Variants in SCN2A observed in about 807,000 individuals in gnomAD.
The protein encoded by SCN2A is sodium channel protein type 2 subunit alpha.
SCN2A carries 20 observed loss-of-function variants against 188.7 expected under a neutral mutation model. That is an observed-to-expected ratio of 0.11 (90% CI 0.07 to 0.15). The LOEUF is 0.15. Among genes scored for constraint, SCN2A ranks in the 10% least tolerant of loss-of-function variants. The pLI is 1.00. For missense variants in SCN2A, 1,278 were observed against 2,445.0 expected, an observed-to-expected ratio of 0.52 and a Z score of 10.07; for synonymous variants, 804 against 833.1, an observed-to-expected ratio of 0.97 and a Z score of 0.60.
intron 24 of SCN2A, 113 bp from the exon 25 acceptor site, chr2:165,380,980 A>T: frequency 1.3e-6 from 1 of 766,118 alleles, no homozygotes; most frequent in Non-Finnish European, 2.2e-6. Flanking sequence ...ATAAATACAG[A>T]TATTAGTAAC....
At chr2:165,286,216 G>A (rs543358870) in intron 1 of SCN2A, among the ~76,000 whole-genome samples, 1 of 152,250 alleles carries the variant, frequency 6.6e-6, no homozygotes, top group Admixed American at 6.5e-5. Context: ...TTTTTGGTGA[G>A]TTTGAGTTGG....
intron 1 of SCN2A, among the ~76,000 whole-genome samples, chr2:165,283,232 G>A (rs1695660390): frequency 6.6e-6 from 1 of 152,162 alleles, no homozygotes. Flanking sequence ...AGGAAGATAA[G>A]TTCAATTTTG....
At chr2:165,380,825 A>G in intron 24 of SCN2A, 96 bp downstream of exon 24, 1 of 1,016,242 alleles carries the variant, frequency 9.8e-7, no homozygotes, top group Non-Finnish European at 1.5e-6. Flanking sequence ...CAAAAAAAGA[A>G]TATAAAATTC....
intron 13 of SCN2A, 32 bp downstream of exon 13, chr2:165,327,016 G>T: frequency 6.2e-7 from 1 of 1,612,954 alleles, no homozygotes; most frequent in East Asian, 2.2e-5. Flanking sequence ...ACAGTTACTT[G>T]GTGCTTTGGT....
At chr2:165,331,056 A>T (rs1698646585) in intron 13 of SCN2A, among the ~76,000 whole-genome samples, 1 of 152,158 alleles carries the variant, frequency 6.6e-6, no homozygotes, top group Non-Finnish European at 1.5e-5. Flanking sequence ...AGTTTCTAGC[A>T]GCCTTGAAGA....
At chr2:165,299,554 G>A (rs996319541) in intron 3 of SCN2A, among the ~76,000 whole-genome samples, 3 of 152,178 alleles carry the variant, frequency 2.0e-5, no homozygotes, top group Non-Finnish European at 2.9e-5. Context: ...ATAACAAAAG[G>A]CAGTGAGGCT....
At chr2:165,377,227 A>G (rs770844225) in intron 22 of SCN2A, among the ~76,000 whole-genome samples, 12 of 152,028 alleles carry the variant, frequency 7.9e-5, no homozygotes, top group Non-Finnish European at 1.8e-4. Flanking sequence ...ATAATGCAGC[A>G]TACTTTTGAG....
intron 19 of SCN2A, among the ~76,000 whole-genome samples, chr2:165,369,776 T>G (rs1480565034): frequency 6.6e-6 from 1 of 152,182 alleles, no homozygotes; most frequent in Non-Finnish European, 1.5e-5. Flanking sequence ...TCTGCATTAC[T>G]AGAGGATGCA....
intron 5 of SCN2A, 140 bp downstream of exon 5, chr2:165,308,934 GT>G (rs1697284875): frequency 8.1e-7 from 1 of 1,240,276 alleles, no homozygotes; most frequent in Admixed American, 2.2e-5. Context: ...AAATTATCCA[GT>G]TTGGAGAAAT....
chr2:165,298,930 C>CA (rs3835931), intron 3 of SCN2A, among the ~76,000 whole-genome samples: 2 of 151,364 alleles, frequency 1.3e-5, no homozygotes, highest in East Asian at 1.9e-4. Context: ...GAATCAGATA[C>CA]AAAAAAAGTG....
intron 19 of SCN2A, 67 bp downstream of exon 19, chr2:165,367,438 T>G: frequency 6.7e-7 from 1 of 1,501,810 alleles, no homozygotes; most frequent in South Asian, 1.1e-5. Flanking sequence ...TTCAATCAAC[T>G]CATATTACCC....
At position 165,370,272 on chromosome 2, in the gene SCN2A, G is replaced by A; in HGVS notation, c.3822G>A (p.Trp1274Ter). Residue 1274 changes from tryptophan to a stop codon, truncating the protein, a stop_gained, in exon 20 of 27, where the codon TGG becomes TGA. Transcript: ENST00000375437. LOFTEE classifies it high-confidence loss of function. ...TTCAAGTGTATTTTACCAATGCCTG[G>A]TGCTGGCTAGACTTCCTGATTGTTG... ...YGFQVYFTNA[W>*]CWLDFLIVDV... 6.2e-7 allele frequency: 1 copy of A among 1,614,114 alleles called. No homozygotes were observed. The highest frequency in any genetic ancestry group is 8.5e-7 in the Non-Finnish European group (1 of 1,179,994).
At chr2:165,297,662 C>T (rs1040136722) in intron 3 of SCN2A, among the ~76,000 whole-genome samples, 1 of 152,198 alleles carries the variant, frequency 6.6e-6, no homozygotes, top group South Asian at 2.1e-4. Flanking sequence ...CTTTCAAATA[C>T]TTTTCCAAAT....
chr2:165,247,328 G>A (rs991390728), intron 1 of SCN2A, among the ~76,000 whole-genome samples: 1 of 151,956 alleles, frequency 6.6e-6, no homozygotes, highest in African/African-American at 2.4e-5. Context: ...TAATGAAAGT[G>A]TTTGCTGTAT....
At position 165,288,797 on chromosome 2, in the gene SCN2A, A is replaced by G. The variant is rs1357715064; in HGVS notation, c.-51-6976A>G. Among the ~76,000 whole-genome samples the G allele has an allele frequency of 5.3e-5, 8 of 152,156 alleles. No individual in the cohort carries two copies. The South Asian group carries it at 1.4e-3, about 28-fold the overall frequency. ...ATGCATATATACAAATATATATCAC[A>G]GCAAGTAACAATCAAAAAGTTGATA... On this transcript the variant is annotated intron_variant, in intron 1 of 26. Transcript: ENST00000375437.
intron 9 of SCN2A, 67 bp downstream of exon 9, chr2:165,313,828 A>G: frequency 1.9e-6 from 3 of 1,611,700 alleles, no homozygotes; most frequent in Non-Finnish European, 2.5e-6. Flanking sequence ...TTGCTGTAGA[A>G]TATTTTATTA....
intron 25 of SCN2A, among the ~76,000 whole-genome samples, chr2:165,381,820 T>A (rs998635452): frequency 6.6e-6 from 1 of 152,048 alleles, no homozygotes; most frequent in Non-Finnish European, 1.5e-5. Context: ...AGGGAGTTGC[T>A]GCCAGGAGAA....
chr2:165,361,332 G>A (rs1700451137), intron 17 of SCN2A, among the ~76,000 whole-genome samples: 1 of 151,834 alleles, frequency 6.6e-6, no homozygotes, highest in Non-Finnish European at 1.5e-5. Context: ...TTTGAAACAT[G>A]GAAATCAACA....
chr2:165,373,471 C>G (rs1701148842), intron 21 of SCN2A, 124 bp downstream of exon 21: 9 of 1,092,508 alleles, frequency 8.2e-6, no homozygotes, highest in African/African-American at 1.6e-5. Flanking sequence ...CATAGCTAAT[C>G]AATCAAAAAT....
Sources: allele counts gnomAD v4.1 joint callset (sites outside exome capture counted in the v4.1 genomes callset), GRCh38; gene constraint gnomAD v4.1.1; transcripts MANE v1.5; gene names NCBI Gene and HGNC (gene_info 2026-07-23, HGNC 2026-07-21).